Variants in TOGARAM1 observed in about 807,000 individuals in gnomAD.
TOGARAM1 encodes the protein TOG array regulator of axonemal microtubules 1.
Under a neutral mutation model 166.6 loss-of-function variants are expected in TOGARAM1, and 100 were observed. That is an observed-to-expected ratio of 0.60 (90% confidence interval 0.51 to 0.71). The LOEUF is 0.71. Among genes scored for constraint, TOGARAM1 ranks in the 30% least tolerant of loss-of-function variants. TOGARAM1 has a pLI of 0.00. For missense variants in TOGARAM1, 2,029 were observed against 2,102.7 expected, an observed-to-expected ratio of 0.96 and a Z score of 0.69; for synonymous variants, 758 against 763.8, an observed-to-expected ratio of 0.99 and a Z score of 0.13.
intron 18 of TOGARAM1, among the ~76,000 whole-genome samples, 174 bp from the exon 19 acceptor site, chr14:45,071,538 A>G (rs189574528): frequency 8.9e-4 from 136 of 152,236 alleles, no homozygotes; most frequent in Non-Finnish European, 1.7e-3. Flanking sequence ...TACAGGTGCT[A>G]GCCACCATGC....
intron 1 of TOGARAM1, among the ~76,000 whole-genome samples, chr14:44,981,785 GAATA>G (rs1886548910): frequency 6.6e-6 from 1 of 150,550 alleles, no homozygotes; most frequent in African/African-American, 2.4e-5. Flanking sequence ...TTCAGTTTAT[GAATA>G]CAAGGTATAG....
At chr14:44,978,583 T>C (rs1260729168) in intron 1 of TOGARAM1, among the ~76,000 whole-genome samples, 1 of 152,064 alleles carries the variant, frequency 6.6e-6, no homozygotes, top group Non-Finnish European at 1.5e-5. Flanking sequence ...GGCAGAAGGA[T>C]TGCTTGAGCC....
intron 7 of TOGARAM1, among the ~76,000 whole-genome samples, chr14:45,020,414 G>A (rs1880428914): frequency 6.6e-6 from 1 of 152,188 alleles, no homozygotes; most frequent in Admixed American, 6.5e-5. Context: ...CAGGGAGTCG[G>A]CAACCCGTTC....
At chr14:45,020,182 G>T (rs988066624) in intron 7 of TOGARAM1, among the ~76,000 whole-genome samples, 1 of 152,158 alleles carries the variant, frequency 6.6e-6, no homozygotes, top group Non-Finnish European at 1.5e-5. Flanking sequence ...GGCTGAGGAG[G>T]CCCCAGGGTC....
At chr14:45,015,713 A>G (rs565107147) in intron 7 of TOGARAM1, among the ~76,000 whole-genome samples, 2 of 151,992 alleles carry the variant, frequency 1.3e-5, no homozygotes, top group South Asian at 4.2e-4. Flanking sequence ...TATTATCTCT[A>G]TTTTACAAAT....
At chr14:45,023,167 A>G (rs1221750294) in intron 7 of TOGARAM1, among the ~76,000 whole-genome samples, 2 of 152,220 alleles carry the variant, frequency 1.3e-5, no homozygotes. Flanking sequence ...AGGAACTTCC[A>G]TCAGTATACA....
chr14:45,029,222 A>G (rs1161319657), intron 10 of TOGARAM1, among the ~76,000 whole-genome samples: 1 of 152,196 alleles, frequency 6.6e-6, no homozygotes, highest in Non-Finnish European at 1.5e-5. Context: ...TAAGCCTCTT[A>G]GCATTCTCAG....
rs142076511 is a variant in TOGARAM1 at position 45,044,365 on chromosome 14, A to T, written c.3919-270A>T. Among the ~76,000 whole-genome samples the T allele has an allele frequency of 3.7e-3, 561 of 151,948 alleles. 3 individuals are homozygous for T. Among genetic ancestry groups the T allele is most frequent in the African/African-American group, 0.012 (504 of 41,474 alleles). On this transcript the variant is annotated intron_variant, in intron 12 of 19. Transcript: ENST00000361462. ...AGACCAGTCGGCCCAACATGGCAAAACCCCATTTTGACTAAAAATACAAAA... is the reference window on the plus strand; with the variant it reads ...AGACCAGTCGGCCCAACATGGCAAATCCCCATTTTGACTAAAAATACAAAA...
intron 1 of TOGARAM1, among the ~76,000 whole-genome samples, chr14:44,990,475 T>C (rs1887065627): frequency 6.6e-6 from 1 of 152,240 alleles, no homozygotes; most frequent in African/African-American, 2.4e-5. Flanking sequence ...TGTTTAACTC[T>C]CCTGTTTGGA....
chr14:45,054,342 A>T (rs1016573893), intron 15 of TOGARAM1, 89 bp from the exon 16 acceptor site: 3 of 770,668 alleles, frequency 3.9e-6, no homozygotes, highest in Non-Finnish European at 4.1e-6. Flanking sequence ...TAAAAAATCA[A>T]TGATGCCTAC....
At chr14:45,032,526 A>C in intron 11 of TOGARAM1, 150 bp downstream of exon 11, 1 of 768,608 alleles carries the variant, frequency 1.3e-6, no homozygotes, top group Non-Finnish European at 2.1e-6. Context: ...CAGCTCATTA[A>C]TGTAGCTGAA....
At position 45,074,336 on chromosome 14, in the gene TOGARAM1, T is replaced by C. The variant is rs770399129; in HGVS notation, c.*775T>C. The C allele has an allele frequency of 1.3e-5, 2 of 152,758 alleles. No homozygotes were observed. Among genetic ancestry groups the C allele is most frequent in the Admixed American group, 6.5e-5 (1 of 15,298 alleles). The allele number at this position is 152,758 out of a possible 1,614,324, so 9.5% of individuals were successfully genotyped here. On this transcript the variant is annotated 3_prime_UTR_variant, in exon 20 of 20. Coordinates refer to ENST00000361462, the MANE Select transcript of TOGARAM1 (RefSeq NM_001308120.2). Reference sequence around the variant, plus strand: ...TAATTCTCAAAAATAGTGCCAGGTCTTCTATAGCTTTTTTCAGAATTCATG... The same window carrying C: ...TAATTCTCAAAAATAGTGCCAGGTCCTCTATAGCTTTTTTCAGAATTCATG...
intron 11 of TOGARAM1, 97 bp downstream of exon 11, chr14:45,032,473 A>G (rs2138920875): frequency 2.5e-6 from 3 of 1,210,930 alleles, no homozygotes; most frequent in Non-Finnish European, 3.5e-6. Context: ...TATTAAAATA[A>G]TCTTAGAAAT....
At chr14:45,004,039 A>G (rs763474235) in intron 3 of TOGARAM1, 22 bp from the exon 4 acceptor site, 5 of 1,580,424 alleles carry the variant, frequency 3.2e-6, no homozygotes, top group Admixed American at 1.8e-5. Flanking sequence ...TAAATAATAT[A>G]TTATCTTTTG....
chr14:44,963,220 C>G lies in TOGARAM1; in HGVS notation c.799C>G (p.Gln267Glu), dbSNP rs1488060067. 6.2e-7 allele frequency: 1 copy of G among 1,614,190 alleles called. No individual in the cohort carries two copies. Among genetic ancestry groups the G allele is most frequent in the Non-Finnish European group, 8.5e-7 (1 of 1,180,040 alleles). The change falls in exon 1 of 20, where the codon CAG becomes GAG. Residue 267 changes from glutamine (Q) to glutamate (E), a missense_variant. Coordinates refer to ENST00000361462, the MANE Select transcript of TOGARAM1 (RefSeq NM_001308120.2). Reference protein sequence around the residue: ...IISLARKLGDQETEEESETAF... With the variant: ...IISLARKLGDEETEEESETAF... ...ATCCCTAGCCCGAAAGCTTGGTGAT[C>G]AGGAGACAGAAGAAGAATCTGAGAC... is the stretch of plus-strand genomic sequence containing the variant.
At chr14:45,050,650 T>C (rs747792508) in intron 14 of TOGARAM1, among the ~76,000 whole-genome samples, 7 of 152,022 alleles carry the variant, frequency 4.6e-5, no homozygotes, top group Admixed American at 2.0e-4. Flanking sequence ...CCCAAGACTC[T>C]GTCACCCAGG....
intron 11 of TOGARAM1, among the ~76,000 whole-genome samples, chr14:45,037,843 C>G (rs547782325): frequency 1.3e-5 from 2 of 149,212 alleles, no homozygotes; most frequent in African/African-American, 5.0e-5. Flanking sequence ...CTGGTTAACA[C>G]GGTGAAACCC....
In TOGARAM1 at chr14:44,962,912, G is replaced by A. The variant is rs200143945; in HGVS notation, c.491G>A (p.Arg164Gln). 1.2e-6 allele frequency: 2 copies of A among 1,614,128 alleles called. No homozygotes were observed. Among genetic ancestry groups the A allele is most frequent in the African/African-American group, 1.3e-5 (1 of 75,038 alleles). ...TTGCAACTTCTCTCGGACGTTCTCC[G>A]GGGTCAGGGGGAGGCAGGCCAGCTT... The part of the protein sequence containing the change: ...LCLQLLSDVL[R>Q]GQGEAGQLEE... Residue 164 changes from arginine (R) to glutamine (Q), a missense_variant, in exon 1 of 20, where the codon CGG (arginine) becomes CAG (glutamine). Physicochemically the swap from Arg to Gln is conservative, Grantham distance 43 (BLOSUM62 1). Transcript: ENST00000361462.
intron 7 of TOGARAM1, among the ~76,000 whole-genome samples, chr14:45,012,638 T>G (rs1371790693): frequency 6.6e-6 from 1 of 150,896 alleles, no homozygotes; most frequent in African/African-American, 2.5e-5. Context: ...GAACTGCATG[T>G]GATTCTTCAT....
Sources: gnomAD v4.1 joint callset for allele counts (sites outside exome capture counted in the v4.1 genomes callset) on GRCh38, gnomAD v4.1.1 for gene constraint, MANE v1.5 for transcripts, NCBI Gene and HGNC (gene_info 2026-07-23, HGNC 2026-07-21) for gene names.